HSD3B1: variants seen among roughly 807,000 people sequenced by gnomAD.
The protein encoded by HSD3B1 is 3 beta-hydroxysteroid dehydrogenase/Delta 5-->4-isomerase type 1.
A neutral mutation model predicts 10.4 loss-of-function variants in HSD3B1; 11 were observed. The observed-to-expected ratio is 1.05, with a 90% CI of 0.66 to 1.75. HSD3B1 has a LOEUF of 1.75. Ranked by LOEUF, HSD3B1 falls within the 40% of genes most tolerant of loss-of-function variation. The pLI is 0.00. For missense variants in HSD3B1, 490 were observed against 454.5 expected, an observed-to-expected ratio of 1.08 and a Z score of -0.71; for synonymous variants, 217 against 185.4, an observed-to-expected ratio of 1.17 and a Z score of -1.39.
At chr1:119,509,459 G>C (rs587776115) in intron 2 of HSD3B1, among the ~76,000 whole-genome samples, 1 of 152,302 alleles carries the variant, frequency 6.6e-6, no homozygotes, top group South Asian at 2.1e-4. Flanking sequence ...GAACTCACTG[G>C]GGAAGAGTCC....
At position 119,514,562 on chromosome 1, in the gene HSD3B1, G is replaced by A; in HGVS notation, c.1039G>A (p.Glu347Lys). Residue 347 changes from glutamate (E) to lysine (K), a missense_variant, in exon 4 of 4, where the codon GAG becomes AAG. Transcript: ENST00000369413. ...GGCGTATAAGCCACTCTACAGCTGG[G>A]AGGAAGCCAAGCAGAAAACGGTGGA... is the stretch of plus-strand genomic sequence containing the variant. Reference protein sequence around the residue: ...DLAYKPLYSWEEAKQKTVEWV... With the variant: ...DLAYKPLYSWKEAKQKTVEWV... 6.2e-7 allele frequency: 1 copy of A among 1,614,008 alleles called. No homozygotes were observed. The highest frequency in any genetic ancestry group is 8.5e-7 in the Non-Finnish European group (1 of 1,179,996).
chr1:119,509,601 C>G (rs587715091), intron 2 of HSD3B1, among the ~76,000 whole-genome samples: 1 of 152,200 alleles, frequency 6.6e-6, no homozygotes, highest in Non-Finnish European at 1.5e-5. Flanking sequence ...GAACATCCCA[C>G]TCTCAGGCTG....
Position 119,507,575 on chromosome 1 carries a change from G to C in HSD3B1, c.99G>C (p.Arg33Ser). ...LVKEKELKEI[R>S]VLDKAFGPEL... ...AGGAGAAGGAGCTGAAGGAGATCAGGGTCTTGGACAAGGCCTTCGGACCAG... is the reference window on the plus strand; with the variant it reads ...AGGAGAAGGAGCTGAAGGAGATCAGCGTCTTGGACAAGGCCTTCGGACCAG... Residue 33 changes from arginine (R) to serine (S), a missense_variant, in exon 2 of 4, where the codon AGG (arginine) becomes AGC (serine). Transcript: ENST00000369413. 1.2e-6 allele frequency: 2 copies of C among 1,613,986 alleles called. No individual in the cohort carries two copies. Among genetic ancestry groups the C allele is most frequent in the Non-Finnish European group, 1.7e-6 (2 of 1,179,928 alleles).
At chr1:119,509,461 GAA>G (rs1022679845) in intron 2 of HSD3B1, among the ~76,000 whole-genome samples, 2 of 152,218 alleles carry the variant, frequency 1.3e-5, no homozygotes, top group African/African-American at 4.8e-5. Flanking sequence ...ACTCACTGGG[GAA>G]GAGTCCTTTT....
rs962978657 is a variant in HSD3B1 at position 119,510,717 on chromosome 1, CTTTTTTTTTTTTTTTTTTT to C, written c.146-767_146-749del. 1.1e-3 allele frequency among the ~76,000 whole-genome samples: 59 copies of C among 54,172 alleles called. 1 individual carries two copies. Among genetic ancestry groups the C allele is most frequent in the South Asian group, 2.3e-3 (3 of 1,302 alleles). The allele number at this position is 54,172 out of a possible 152,430, so 35.5% of individuals were successfully genotyped here. ...TTTTTGTTGTTGCTTGTGTGGTTTT[CTTTTTTTTTTTTTTTTTTT>C]TTTTTTTTTTTTTTTTTTGAGACAA... On this transcript the variant is annotated intron_variant, in intron 2 of 3. Transcript: ENST00000369413.
Position 119,514,325 on chromosome 1 carries a change from C to T in HSD3B1, c.802C>T (p.Leu268Phe). The change falls in exon 4 of 4, where the codon CTT (leucine) becomes TTT (phenylalanine). Residue 268 changes from leucine (L) to phenylalanine (F), a missense_variant. Physicochemically the swap from Leu to Phe is conservative, Grantham distance 22. Transcript: ENST00000369413. ...DDTPHQSYDN[L>F]NYTLSKEFGL... ...CACGCCTCACCAAAGCTATGATAACCTTAATTACACCCTGAGCAAAGAGTT... is the reference window on the plus strand; with the variant it reads ...CACGCCTCACCAAAGCTATGATAACTTTAATTACACCCTGAGCAAAGAGTT... 2.5e-6 allele frequency: 4 copies of T among 1,614,126 alleles called. No homozygotes were observed. Among genetic ancestry groups the T allele is most frequent in the Non-Finnish European group, 3.4e-6 (4 of 1,180,014 alleles).
rs959075024 is a variant in HSD3B1 at position 119,514,845 on chromosome 1, A to G, written c.*200A>G. 4.5e-5 allele frequency: 28 copies of G among 625,920 alleles called. No homozygotes were observed. In the South Asian group the frequency reaches 4.8e-4, roughly 11 times the overall value. The allele number at this position is 625,920 out of a possible 1,614,324, so 38.8% of individuals were successfully genotyped here. A position where few individuals can be genotyped will look rare whatever the true frequency, so the allele number is the denominator to read the frequency against. The stretch of plus-strand genomic sequence containing the variant: ...GCCCAACAAGAAGGTTTCTGTCCTA[A>G]TCATATACCAGAGGAAAGACCATGT... On this transcript the variant is annotated 3_prime_UTR_variant, in exon 4 of 4. Coordinates refer to ENST00000369413, the MANE Select transcript of HSD3B1 (RefSeq NM_000862.3).
Position 119,513,919 on chromosome 1 carries a change from C to T in HSD3B1, c.396C>T (p.Asn132=). 2.5e-6 allele frequency: 4 copies of T among 1,614,092 alleles called. No individual in the cohort carries two copies. Among genetic ancestry groups the T allele is most frequent in the South Asian group, 1.1e-5 (1 of 91,072 alleles). ...GTAGCATAGAGGTAGCCGGGCCCAA[C>T]TCCTACAAGGAAATCATCCAGAATG... ...YTSSIEVAGP[N]SYKEIIQNGH... Residue 132 remains asparagine (N), a synonymous_variant, in exon 4 of 4, where the codon AAC becomes AAT. Transcript: ENST00000369413.
At position 119,514,429 on chromosome 1, in the gene HSD3B1, C is replaced by T; in HGVS notation, c.906C>T (p.Ser302=). 1 of 1,614,154 alleles carries T rather than the reference C, an allele frequency of 6.2e-7. No individual in the cohort carries two copies. The highest frequency in any genetic ancestry group is 2.2e-5 in the East Asian group (1 of 44,870). ...YWIGFLLEIV[S]FLLRPIYTYR... ...TTGGCTTCCTGCTGGAAATAGTGAGCTTCCTACTCAGGCCAATTTACACCT... is the reference window on the plus strand; with the variant it reads ...TTGGCTTCCTGCTGGAAATAGTGAGTTTCCTACTCAGGCCAATTTACACCT... Residue 302 remains serine (S), a synonymous_variant, in exon 4 of 4, where the codon AGC becomes AGT. Transcript: ENST00000369413.
chr1:119,513,755 G>A, intron 3 of HSD3B1, 79 bp from the exon 4 acceptor site: 1 of 1,325,770 alleles, frequency 7.5e-7, no homozygotes, highest in East Asian at 2.3e-5. Context: ...AGTGGGGGGT[G>A]GGGCACATAG....
Position 119,514,325 on chromosome 1 carries a change from C to G in HSD3B1, c.802C>G (p.Leu268Val). The change falls in exon 4 of 4, where the codon CTT becomes GTT. Residue 268 changes from leucine to valine, a missense_variant. Physicochemically the swap from Leu to Val is conservative, Grantham distance 32. Coordinates refer to ENST00000369413, the MANE Select transcript of HSD3B1 (RefSeq NM_000862.3). ...DDTPHQSYDN[L>V]NYTLSKEFGL... is the part of the protein sequence containing the mutation. ...CACGCCTCACCAAAGCTATGATAAC[C>G]TTAATTACACCCTGAGCAAAGAGTT... is the stretch of plus-strand genomic sequence containing the variant. The G allele has an allele frequency of 6.2e-7, 1 of 1,614,128 alleles. No individual in the cohort carries two copies. The highest frequency in any genetic ancestry group is 1.7e-5 in the Admixed American group (1 of 60,020).
intron 2 of HSD3B1, among the ~76,000 whole-genome samples, chr1:119,510,608 C>G (rs1050848225): frequency 1.3e-5 from 2 of 150,916 alleles, no homozygotes; most frequent in African/African-American, 4.9e-5. Flanking sequence ...GATCATCAGT[C>G]TTTCTCAAAT....
chr1:119,511,998 G>C (rs1222560302), intron 3 of HSD3B1: 3 of 288,110 alleles, frequency 1.0e-5, no homozygotes, highest in Non-Finnish European at 2.0e-5. Flanking sequence ...CCAATCAAAA[G>C]TCAACTAATT....
chr1:119,513,050 C>T (rs940202900), intron 3 of HSD3B1, among the ~76,000 whole-genome samples: 3 of 152,184 alleles, frequency 2.0e-5, no homozygotes, highest in Non-Finnish European at 4.4e-5. Context: ...GCAGGTGTTA[C>T]CAGCAGAGGA....
At chr1:119,508,374 A>ATT (rs1653847897) in intron 2 of HSD3B1, among the ~76,000 whole-genome samples, 1 of 151,338 alleles carries the variant, frequency 6.6e-6, no homozygotes, top group African/African-American at 2.4e-5. Flanking sequence ...TTTTTTTAAA[A>ATT]AAAAAAAAAC....
Position 119,513,976 on chromosome 1 carries a change from G to T in HSD3B1, c.453G>T (p.Trp151Cys). ...AAGAAGAGCCTCTGGAAAACACATG[G>T]CCCGCTCCATACCCACACAGCAAAA... ...GHEEEPLENT[W>C]PAPYPHSKKL... The change falls in exon 4 of 4, where the codon TGG (tryptophan) becomes TGT (cysteine). Residue 151 changes from tryptophan (W) to cysteine (C), a missense_variant. By Grantham distance (215) the Trp-to-Cys change is radical. Transcript: ENST00000369413. 2 of 1,614,058 alleles carry T rather than the reference G, an allele frequency of 1.2e-6. No homozygotes were observed. The highest frequency in any genetic ancestry group is 1.1e-5 in the South Asian group (1 of 91,084).
Position 119,511,569 on chromosome 1 carries a change from G to A in HSD3B1, c.212G>A (p.Arg71Lys), listed in dbSNP as rs4986952. ...ATTCTGGATGAGCCATTCCTGAAGA[G>A]AGCCTGCCAGGACGTCTCGGTCATC... is the stretch of plus-strand genomic sequence containing the variant. The part of the protein sequence containing the change: ...GDILDEPFLK[R>K]ACQDVSVIIH... The change falls in exon 3 of 4, where the codon AGA becomes AAA. Residue 71 changes from arginine (R) to lysine (K), a missense_variant. Physicochemically the swap from Arg to Lys is conservative, Grantham distance 26. Transcript: ENST00000369413. 4 of 1,613,810 alleles carry A rather than the reference G, an allele frequency of 2.5e-6. No homozygotes were observed. The highest frequency in any genetic ancestry group is 1.1e-5 in the South Asian group (1 of 91,058).
intron 3 of HSD3B1, among the ~76,000 whole-genome samples, 197 bp from the exon 4 acceptor site, chr1:119,513,637 T>A (rs1240876005): frequency 1.3e-5 from 2 of 152,230 alleles, no homozygotes; most frequent in East Asian, 3.9e-4. Context: ...AACCCACATG[T>A]CAGTTTCTCT....
intron 3 of HSD3B1, among the ~76,000 whole-genome samples, chr1:119,512,613 C>T (rs2101462322): frequency 1.3e-5 from 2 of 152,192 alleles, no homozygotes; most frequent in South Asian, 4.1e-4. Context: ...TTTCTACTTA[C>T]CCATACTTCT....
Sources: gnomAD v4.1 joint callset for allele counts (sites outside exome capture counted in the v4.1 genomes callset) on GRCh38, gnomAD v4.1.1 for gene constraint, MANE v1.5 for transcripts, NCBI Gene and HGNC (gene_info 2026-07-23, HGNC 2026-07-21) for gene names.